The following RIPOR3 variants were observed in gnomAD, a reference collection of about 807,000 sequenced individuals.
RIPOR3 encodes family with sequence similarity 65 member C.
In RIPOR3, 95 loss-of-function variants were observed where a neutral mutation model predicts 114.3. The observed-to-expected ratio is 0.83, with a 90% CI of 0.70 to 0.99. The LOEUF is 0.99. Ranked by LOEUF, RIPOR3 falls within the 50% of genes least tolerant of loss-of-function variation. RIPOR3 has a pLI of 0.00. For synonymous variants in RIPOR3, 575 were observed against 543.8 expected (o/e 1.06, Z -0.80); for missense variants, 1,252 against 1,266.9 (o/e 0.99, Z 0.18).
At chr20:50,626,084 G>A (rs145437883) in intron 2 of RIPOR3, among the ~76,000 whole-genome samples, 85 of 152,358 alleles carry the variant, frequency 5.6e-4, no homozygotes, top group African/African-American at 1.9e-3. Context: ...GTGCGGCTGC[G>A]CTTCGGCCTG....
chr20:50,682,672 G>T (rs1230249450), intron 1 of RIPOR3, among the ~76,000 whole-genome samples: 1 of 146,974 alleles, frequency 6.8e-6, no homozygotes, highest in Non-Finnish European at 1.5e-5. Flanking sequence ...TTTACGTAAA[G>T]TTCAAACAGC....
At chr20:50,594,448 G>A in intron 17 of RIPOR3, 105 bp downstream of exon 17, 1 of 1,330,868 alleles carries the variant, frequency 7.5e-7, no homozygotes, top group Non-Finnish European at 1.0e-6. Flanking sequence ...AGACACAGAG[G>A]TGAAGACAGG....
At chr20:50,617,528 C>T (rs1047502052) in intron 3 of RIPOR3, among the ~76,000 whole-genome samples, 2 of 152,096 alleles carry the variant, frequency 1.3e-5, no homozygotes, top group African/African-American at 4.8e-5. Flanking sequence ...AGGAATCTGC[C>T]TGCCTCGGCC....
chr20:50,595,207 C>T (rs2083246424), intron 16 of RIPOR3, 162 bp downstream of exon 16: 1 of 885,032 alleles, frequency 1.1e-6, no homozygotes, highest in Non-Finnish European at 1.7e-6. Context: ...TCCCTTACCT[C>T]CCCACAAAGA....
At chr20:50,589,964 A>C in intron 19 of RIPOR3, 195 bp from the exon 20 acceptor site, 1 of 523,266 alleles carries the variant, frequency 1.9e-6, no homozygotes, top group South Asian at 2.3e-5. Flanking sequence ...TGTTTAATTT[A>C]TCCCTAAAAA....
At chr20:50,610,972 C>T in intron 5 of RIPOR3, 66 bp from the exon 6 acceptor site, 3 of 1,606,706 alleles carry the variant, frequency 1.9e-6, no homozygotes, top group Non-Finnish European at 1.7e-6. Context: ...CCGCTTGCCC[C>T]TGCCACCCTC....
intron 1 of RIPOR3, among the ~76,000 whole-genome samples, chr20:50,638,160 G>A (rs2123305151): frequency 6.6e-6 from 1 of 152,332 alleles, no homozygotes; most frequent in East Asian, 1.9e-4. Flanking sequence ...AGCCAGGAGG[G>A]GACACCCAAG....
At chr20:50,591,576 G>C (rs947659084) in intron 19 of RIPOR3, among the ~76,000 whole-genome samples, 1 of 152,228 alleles carries the variant, frequency 6.6e-6, no homozygotes, top group African/African-American at 2.4e-5. Context: ...AATGGAACTG[G>C]AGATTTCCTC....
rs777729396 is a variant in RIPOR3, at chr20:50,602,744, A to G, written c.1087-100T>C. Reference sequence around the variant, plus strand: ...TGACAGACACCCGCTGTGCATGCCCATGTTCTCAGGATGACTGAGGCCTGC... The same window carrying G: ...TGACAGACACCCGCTGTGCATGCCCGTGTTCTCAGGATGACTGAGGCCTGC... On this transcript the variant is annotated intron_variant, in intron 12 of 21. Transcript: ENST00000327979. The surrounding 1 kb of genome is among the most constrained non-coding windows in gnomAD (Gnocchi z 4.3). 44 of 914,024 alleles carry G rather than the reference A, an allele frequency of 4.8e-5. No homozygotes were observed. Among genetic ancestry groups the G allele is most frequent in the Non-Finnish European group, 6.3e-5 (42 of 670,168 alleles). 56.6% of individuals were successfully genotyped at this position (914,024 alleles called of 1,614,324 possible).
chr20:50,656,207 C>A (rs1037574336), intron 1 of RIPOR3, among the ~76,000 whole-genome samples: 5 of 151,684 alleles, frequency 3.3e-5, no homozygotes, highest in Admixed American at 6.6e-5. Context: ...GGGGTTTCAC[C>A]ATGTTGGCCA....
intron 1 of RIPOR3, among the ~76,000 whole-genome samples, chr20:50,644,844 A>T (rs905083736): frequency 2.0e-3 from 273 of 136,546 alleles, no homozygotes; most frequent in Middle Eastern, 4.3e-3. Context: ...TTTATTTTTT[A>T]TTTTTTTTTT....
chr20:50,643,537 G>GA (rs995838828), intron 1 of RIPOR3, among the ~76,000 whole-genome samples: 3 of 149,674 alleles, frequency 2.0e-5, no homozygotes, highest in South Asian at 4.2e-4. Context: ...TACAAGAAGT[G>GA]AAAAAAAAAG....
At position 50,604,772 on chromosome 20, in the gene RIPOR3, G is replaced by A. The variant is rs192351933; in HGVS notation, c.959C>T (p.Pro320Leu). The change falls in exon 12 of 22, where the codon CCG (proline) becomes CTG (leucine). Residue 320 changes from proline to leucine, a missense_variant and splice_region_variant. By Grantham distance (98) the Pro-to-Leu change is moderately conservative. Transcript: ENST00000327979. Reference protein sequence around the residue: ...IKLQLEVQWNPFDTESFLVSP... With the variant: ...IKLQLEVQWNLFDTESFLVSP... ...CACCAGGAAGCTCTCAGTATCAAAC[G>A]GGCTGGAGGAGAGAACAGAAGGTCA... 20 of 1,607,032 alleles carry A rather than the reference G, an allele frequency of 1.2e-5. No homozygotes were observed. The highest frequency in any genetic ancestry group is 9.0e-5 in the East Asian group (4 of 44,318).
intron 1 of RIPOR3, among the ~76,000 whole-genome samples, chr20:50,679,851 G>A (rs1466121827): frequency 1.3e-5 from 2 of 151,956 alleles, no homozygotes; most frequent in Admixed American, 6.6e-5. Flanking sequence ...CAGCTACCCA[G>A]GAGGCTGAAG....
chr20:50,595,134 G>T, intron 16 of RIPOR3: 1 of 575,454 alleles, frequency 1.7e-6, no homozygotes, highest in Non-Finnish European at 3.1e-6. Context: ...GCTCAGAGAT[G>T]TGAATCATTT....
rs993298442 is a variant in RIPOR3, at chr20:50,604,588, G to A, written c.1086+57C>T. 85 of 1,545,738 alleles carry A rather than the reference G, an allele frequency of 5.5e-5. No homozygotes were observed. The African/African-American group carries it at 7.0e-4, about 13-fold the overall frequency. On this transcript the variant is annotated intron_variant, in intron 12 of 21. Coordinates refer to ENST00000327979, the MANE Select transcript of RIPOR3 (RefSeq NM_001290268.2). ...CCAGACTGCTCAGCCCAGCTCCTGCGTGCTGCCCCCATCCCAGGGTGACCA... is the reference window on the plus strand; with the variant it reads ...CCAGACTGCTCAGCCCAGCTCCTGCATGCTGCCCCCATCCCAGGGTGACCA...
chr20:50,684,581 A>G (rs2086955331), intron 1 of RIPOR3, among the ~76,000 whole-genome samples: 1 of 152,182 alleles, frequency 6.6e-6, no homozygotes. Flanking sequence ...TCATTTTAAC[A>G]GGACCCTGCT....
intron 2 of RIPOR3, chr20:50,620,848 T>G: frequency 1.2e-6 from 1 of 806,456 alleles, no homozygotes; most frequent in South Asian, 1.4e-5. Context: ...GCCGCTGCAG[T>G]GGGTGTCTGA....
intron 2 of RIPOR3, among the ~76,000 whole-genome samples, chr20:50,630,134 A>C (rs944525317): frequency 1.3e-5 from 2 of 151,704 alleles, no homozygotes; most frequent in Admixed American, 6.6e-5. Flanking sequence ...CATCCAACTA[A>C]TTTTTGCATT....
Sources: allele counts gnomAD v4.1 joint callset (sites outside exome capture counted in the v4.1 genomes callset), GRCh38; gene constraint gnomAD v4.1.1; non-coding constraint Gnocchi (gnomAD v3.1); transcripts MANE v1.5; gene names NCBI Gene and HGNC (gene_info 2026-07-23, HGNC 2026-07-21).